The following GRB14 variants were observed in gnomAD, a reference collection of about 807,000 sequenced individuals.
The protein encoded by GRB14 is growth factor receptor bound protein 14, also known as growth factor receptor-bound protein 14.
GRB14 carries 38 observed loss-of-function variants against 69.1 expected under a neutral mutation model. That is an observed-to-expected ratio of 0.55 (90% CI 0.42 to 0.72). The LOEUF (loss-of-function observed/expected upper bound fraction) is 0.72. Ranked by LOEUF, GRB14 falls within the 30% of genes least tolerant of loss-of-function variation. The pLI, the probability that GRB14 is intolerant of heterozygous loss-of-function variation, is 0.00. For missense variants in GRB14, 666 were observed against 666.1 expected, an observed-to-expected ratio of 1.00 and a Z score of 0.00; for synonymous variants, 247 against 241.3, an observed-to-expected ratio of 1.02 and a Z score of -0.22.
intron 2 of GRB14, among the ~76,000 whole-genome samples, chr2:164,615,582 G>A (rs573497740): frequency 4.6e-5 from 7 of 152,242 alleles, no homozygotes; most frequent in African/African-American, 1.7e-4. Context: ...CAGATTTCAG[G>A]TGCTGGCTGT....
intron 6 of GRB14, among the ~76,000 whole-genome samples, chr2:164,518,309 C>A (rs961340459): frequency 6.6e-6 from 1 of 152,026 alleles, no homozygotes. Context: ...TGAAAAATTT[C>A]TCTGAACTGA....
chr2:164,514,566 G>A (rs2105273992), intron 6 of GRB14, among the ~76,000 whole-genome samples: 1 of 152,296 alleles, frequency 6.6e-6, no homozygotes, highest in African/African-American at 2.4e-5. Context: ...CCCTGGGGAA[G>A]CCTTTTCTGA....
intron 2 of GRB14, among the ~76,000 whole-genome samples, chr2:164,556,404 T>C (rs561317689): frequency 6.6e-6 from 1 of 152,326 alleles, no homozygotes; most frequent in Non-Finnish European, 1.5e-5. Context: ...CAGTACATGT[T>C]AAATTAGTTA....
intron 2 of GRB14, among the ~76,000 whole-genome samples, chr2:164,615,224 C>T (rs868439394): frequency 2.0e-5 from 3 of 151,786 alleles, no homozygotes; most frequent in African/African-American, 4.8e-5. Context: ...TCCTGTGGAC[C>T]GTAAACCACA....
chr2:164,615,637 G>A lies in GRB14; in HGVS notation c.324+4050C>T, dbSNP rs558370571. Among the ~76,000 whole-genome samples the A allele has an allele frequency of 6.6e-4, 101 of 152,282 alleles. 1 individual carries two copies. The highest frequency in any genetic ancestry group is 1.2e-3 in the Non-Finnish European group (79 of 68,010). ...ACTCAATTTACGTATCACTAAAGAA[G>A]AATATTGGAATAGAAGATCTGAAAA... On this transcript the variant is annotated intron_variant, in intron 2 of 13. Coordinates refer to ENST00000263915, the MANE Select transcript of GRB14 (RefSeq NM_004490.3).
chr2:164,563,491 C>A (rs892168914), intron 2 of GRB14, among the ~76,000 whole-genome samples: 1 of 152,118 alleles, frequency 6.6e-6, no homozygotes, highest in Non-Finnish European at 1.5e-5. Context: ...CACAATGGCA[C>A]GTTAACTGGT....
chr2:164,585,833 A>AAAACAG (rs1484256093), intron 2 of GRB14, among the ~76,000 whole-genome samples: 1 of 152,232 alleles, frequency 6.6e-6, no homozygotes, highest in Non-Finnish European at 1.5e-5. Flanking sequence ...TTTAAAAACA[A>AAAACAG]AAACAAAACA....
intron 2 of GRB14, among the ~76,000 whole-genome samples, chr2:164,617,785 C>T (rs751792692): frequency 2.0e-5 from 3 of 152,098 alleles, no homozygotes; most frequent in Non-Finnish European, 2.9e-5. Context: ...TTAAATATAT[C>T]TTGCATGGTA....
At chr2:164,529,106 A>G (rs1297984925) in intron 3 of GRB14, among the ~76,000 whole-genome samples, 1 of 152,196 alleles carries the variant, frequency 6.6e-6, no homozygotes, top group Non-Finnish European at 1.5e-5. Flanking sequence ...GACACATGCT[A>G]CAACATAGAT....
chr2:164,517,043 G>A (rs1574262059), intron 6 of GRB14, among the ~76,000 whole-genome samples: 1 of 152,146 alleles, frequency 6.6e-6, no homozygotes, highest in Non-Finnish European at 1.5e-5. Flanking sequence ...TTTTCATGCT[G>A]CTGATAAAGA....
In GRB14 at chr2:164,510,896, G is replaced by A. The variant is rs191262922; in HGVS notation, c.817-2044C>T. Among the ~76,000 whole-genome samples, 27 of 152,282 alleles carry A rather than the reference G, an allele frequency of 1.8e-4. No individual in the cohort carries two copies. In the East Asian group the frequency reaches 5.0e-3, roughly 28 times the overall value. The stretch of plus-strand genomic sequence containing the variant: ...TAGGAAAGACAGTCTTACATTGTCA[G>A]TACCTCCCCTCGCCTGTTCCTTAGC... On this transcript the variant is annotated intron_variant, in intron 6 of 13. Transcript: ENST00000263915.
chr2:164,583,849 T>G (rs1033781074), intron 2 of GRB14, among the ~76,000 whole-genome samples: 1 of 152,222 alleles, frequency 6.6e-6, no homozygotes, highest in Non-Finnish European at 1.5e-5. Context: ...TCGATGAAAT[T>G]GGACTTTTCT....
chr2:164,525,348 T>C (rs971565167), intron 4 of GRB14, among the ~76,000 whole-genome samples: 4 of 152,060 alleles, frequency 2.6e-5, no homozygotes, highest in Non-Finnish European at 4.4e-5. Flanking sequence ...TGCCCTGAAG[T>C]TGACAATGTG....
chr2:164,595,510 G>A (rs567092518), intron 2 of GRB14, among the ~76,000 whole-genome samples: 35 of 152,268 alleles, frequency 2.3e-4, no homozygotes, highest in Non-Finnish European at 4.6e-4. Flanking sequence ...TAAGCCTGAC[G>A]GGGAAGTAAG....
At chr2:164,589,183 A>G (rs1689602869) in intron 2 of GRB14, among the ~76,000 whole-genome samples, 1 of 152,160 alleles carries the variant, frequency 6.6e-6, no homozygotes, top group African/African-American at 2.4e-5. Flanking sequence ...TCTTATGGAT[A>G]AAGGTTTATA....
chr2:164,533,509 C>T (rs927901722), intron 3 of GRB14, among the ~76,000 whole-genome samples: 8 of 151,822 alleles, frequency 5.3e-5, no homozygotes, highest in South Asian at 2.1e-4. Flanking sequence ...CGTGAGCCAC[C>T]GCGCCCGGCC....
chr2:164,519,240 A>G (rs181372706), intron 6 of GRB14, among the ~76,000 whole-genome samples: 101 of 152,278 alleles, frequency 6.6e-4, no homozygotes, highest in African/African-American at 2.0e-3. Context: ...TAAATGTGAT[A>G]CAACACATAA....
intron 2 of GRB14, among the ~76,000 whole-genome samples, chr2:164,611,096 T>C (rs1469823454): frequency 6.6e-6 from 1 of 152,108 alleles, no homozygotes; most frequent in Non-Finnish European, 1.5e-5. Context: ...GGCTGGAGTC[T>C]AATGAACAAA....
chr2:164,513,664 T>A (rs1559028177), intron 6 of GRB14, among the ~76,000 whole-genome samples: 1 of 152,198 alleles, frequency 6.6e-6, no homozygotes, highest in Non-Finnish European at 1.5e-5. Context: ...ATGTGTGTGC[T>A]AAGAATCAAG....
Sources: gnomAD v4.1 joint callset for allele counts (sites outside exome capture counted in the v4.1 genomes callset) on GRCh38, gnomAD v4.1.1 for gene constraint, MANE v1.5 for transcripts, NCBI Gene and HGNC (gene_info 2026-07-23, HGNC 2026-07-21) for gene names.